Variants in ZNF516 observed in about 807,000 individuals in gnomAD.
ZNF516 encodes the protein zinc finger protein 516.
In ZNF516, 19 loss-of-function variants were observed where a neutral mutation model predicts 79.7. The ratio of observed to expected loss-of-function variants is 0.24; its 90% CI spans 0.17 to 0.35. The LOEUF (loss-of-function observed/expected upper bound fraction) is 0.35. ZNF516 is among the 10% of genes least tolerant of loss of function. The pLI, the probability that ZNF516 is intolerant of heterozygous loss-of-function variation, is 1.00. For missense variants in ZNF516, 1,678 were observed against 1,679.5 expected (o/e 1.00, Z 0.02); for synonymous variants, 877 against 739.5 (o/e 1.19, Z -3.02).
Position 76,378,934 on chromosome 18 carries a change from G to C in ZNF516, c.3180C>G (p.Ile1060Met). ...GHEKRLDILN[I>M]FKTYIPKDFA... Reference sequence around the variant, plus strand: ...AGTCCTTTGGAATGTACGTCTTAAAGATGTTGAGGATGTCCAGGCGCTTCT... The same window carrying C: ...AGTCCTTTGGAATGTACGTCTTAAACATGTTGAGGATGTCCAGGCGCTTCT... The change falls in exon 4 of 7, where the codon ATC (isoleucine) becomes ATG (methionine). Residue 1060 changes from isoleucine (I) to methionine (M), a missense_variant. By Grantham distance (10) the Ile-to-Met change is conservative. Transcript: ENST00000443185. 6.2e-7 allele frequency: 1 copy of C among 1,613,862 alleles called. No individual in the cohort carries two copies. The highest frequency in any genetic ancestry group is 8.5e-7 in the Non-Finnish European group (1 of 1,179,834).
intron 4 of ZNF516, among the ~76,000 whole-genome samples, chr18:76,374,525 C>T (rs1481443277): frequency 1.3e-5 from 2 of 152,130 alleles, no homozygotes; most frequent in Admixed American, 6.5e-5. Context: ...CATGTGGGGG[C>T]GGGGAAGTCT....
At chr18:76,440,762 G>GTGTGTGTGCGCA (rs35152639) in intron 3 of ZNF516, among the ~76,000 whole-genome samples, 1 of 120,146 alleles carries the variant, frequency 8.3e-6, no homozygotes, top group African/African-American at 4.7e-5. Flanking sequence ...GTGTGTGTGT[G>GTGTGTGTGCGCA]CGCGCACGCG....
intron 1 of ZNF516, chr18:76,491,192 G>A (rs1046154227): frequency 1.2e-6 from 1 of 843,358 alleles, no homozygotes; most frequent in African/African-American, 1.8e-5. Context: ...CCGGAGCCCG[G>A]TCCACGCCGC....
intron 1 of ZNF516, among the ~76,000 whole-genome samples, chr18:76,473,416 T>C (rs1360799399): frequency 6.8e-5 from 9 of 132,820 alleles, no homozygotes; most frequent in African/African-American, 2.5e-4. Context: ...GCTGGACACG[T>C]AGAGAAAAAT....
chr18:76,402,127 C>G (rs757776401), intron 3 of ZNF516, among the ~76,000 whole-genome samples: 2 of 152,188 alleles, frequency 1.3e-5, no homozygotes, highest in African/African-American at 4.8e-5. Flanking sequence ...CTTAGCCCCG[C>G]GCCTTCTATT....
chr18:76,364,048 C>A (rs1405415436), intron 6 of ZNF516, among the ~76,000 whole-genome samples: 1 of 152,204 alleles, frequency 6.6e-6, no homozygotes, highest in African/African-American at 2.4e-5. Flanking sequence ...TGGACTGTTC[C>A]AGAGGCAACA....
intron 1 of ZNF516, chr18:76,490,091 T>C: frequency 1.1e-6 from 1 of 891,522 alleles, no homozygotes. Flanking sequence ...GCTTGTGCCT[T>C]AACACACCAA....
In ZNF516 at chr18:76,441,510, G is replaced by A; in HGVS notation, c.1545C>T (p.Ser515=). 12 of 1,590,212 alleles carry A rather than the reference G, an allele frequency of 7.5e-6. No homozygotes were observed. The highest frequency in any genetic ancestry group is 1.1e-5 in the South Asian group (1 of 88,090). The change falls in exon 3 of 7, where the codon TCC becomes TCT. Residue 515 remains serine, a synonymous_variant. Coordinates refer to ENST00000443185, the MANE Select transcript of ZNF516 (RefSeq NM_014643.4). ...AAATTGQGKS[S]ECFECGKIFR... ...AGATCTTGCCGCACTCGAAGCACTC[G>A]GAGGACTTGCCCTGGCCGGTGGTGG... is the stretch of plus-strand genomic sequence containing the variant.
At chr18:76,423,820 G>A (rs1330586855) in intron 3 of ZNF516, among the ~76,000 whole-genome samples, 1 of 134,374 alleles carries the variant, frequency 7.4e-6, no homozygotes, top group Non-Finnish European at 1.5e-5. Context: ...AGGTGAAAAG[G>A]TTCCCCCATG....
At chr18:76,430,611 T>C (rs1417480604) in intron 3 of ZNF516, among the ~76,000 whole-genome samples, 1 of 152,242 alleles carries the variant, frequency 6.6e-6, no homozygotes, top group Non-Finnish European at 1.5e-5. Context: ...ATGTAAGTTT[T>C]CTATAGGATG....
At chr18:76,395,438 T>C (rs1188415943) in intron 3 of ZNF516, among the ~76,000 whole-genome samples, 2 of 152,184 alleles carry the variant, frequency 1.3e-5, no homozygotes, top group Non-Finnish European at 2.9e-5. Context: ...AAGACTCACA[T>C]GCAATGAGAC....
chr18:76,380,256 C>G lies in ZNF516; in HGVS notation c.1858G>C (p.Glu620Gln). The change falls in exon 4 of 7, where the codon GAG (glutamate) becomes CAG (glutamine). Residue 620 changes from glutamate to glutamine, a missense_variant. Physicochemically the swap from Glu to Gln is conservative, Grantham distance 29. Transcript: ENST00000443185. ...TGACTCTGGTCTCCACTGGAGAGCT[C>G]GGTCGAAGTCACCTCTTCGGAAAAG... ...CCFSEEVTST[E>Q]LSSGDQSHKM... The G allele has an allele frequency of 6.2e-7, 1 of 1,613,852 alleles. No homozygotes were observed. The highest frequency in any genetic ancestry group is 8.5e-7 in the Non-Finnish European group (1 of 1,179,854).
In ZNF516 at chr18:76,441,431, G is replaced by A; in HGVS notation, c.1624C>T (p.Arg542Cys). Residue 542 changes from arginine to cysteine, a missense_variant, in exon 3 of 7, where the codon CGC becomes TGC. By Grantham distance (180) the Arg-to-Cys change is radical. Transcript: ENST00000443185. ...LHSRVHRRAR[R>C]ERDSDGDRAA... ...CTGTCCCCGTCACTGTCCCTCTCGC[G>A]GCGCGCGCGGCGATGCACGCGTGAG... 1 of 1,606,752 alleles carries A rather than the reference G, an allele frequency of 6.2e-7. No homozygotes were observed. The highest frequency in any genetic ancestry group is 1.3e-5 in the African/African-American group (1 of 74,844).
intron 1 of ZNF516, among the ~76,000 whole-genome samples, chr18:76,482,283 C>T (rs1319027497): frequency 6.6e-6 from 1 of 152,172 alleles, no homozygotes; most frequent in East Asian, 1.9e-4. Context: ...CCAGCTTTTC[C>T]CTTCATCGCG....
At chr18:76,376,605 G>T (rs1024484822) in intron 4 of ZNF516, among the ~76,000 whole-genome samples, 3 of 150,642 alleles carry the variant, frequency 2.0e-5, no homozygotes, top group Non-Finnish European at 4.4e-5. Context: ...AAATACTTCA[G>T]ACTATTTTGG....
intron 3 of ZNF516, among the ~76,000 whole-genome samples, chr18:76,391,211 G>A (rs1445057244): frequency 6.6e-5 from 10 of 152,292 alleles, no homozygotes; most frequent in African/African-American, 2.4e-4. Context: ...GGGTGAGTAA[G>A]TGTGAGCGTA....
In ZNF516 at chr18:76,358,053, T is replaced by C. The variant is rs2074481070; in HGVS notation, c.*4445A>G. The C allele has an allele frequency of 6.6e-6, 1 of 152,228 alleles. No individual in the cohort carries two copies. Among genetic ancestry groups the C allele is most frequent in the South Asian group, 2.1e-4 (1 of 4,832 alleles). The allele number at this position is 152,228 out of a possible 1,614,324, so 9.4% of individuals were successfully genotyped here. A position where few individuals can be genotyped will look rare whatever the true frequency, so the allele number is the denominator to read the frequency against. On this transcript the variant is annotated 3_prime_UTR_variant, in exon 7 of 7. Transcript: ENST00000443185. ...AGATGAACGATCTTGTGAATTACCC[T>C]AAAACTCTTCCATAAATAAAGAGCA...
chr18:76,425,544 G>A (rs961584203), intron 3 of ZNF516, among the ~76,000 whole-genome samples: 3 of 152,214 alleles, frequency 2.0e-5, no homozygotes, highest in Non-Finnish European at 4.4e-5. Flanking sequence ...ACAGGCCACA[G>A]ATCACATGCC....
At chr18:76,368,031 T>C (rs2074644357) in intron 6 of ZNF516, among the ~76,000 whole-genome samples, 1 of 152,146 alleles carries the variant, frequency 6.6e-6, no homozygotes, top group South Asian at 2.1e-4. Context: ...CCGATTTAAA[T>C]ATTAATGAAT....
Sources: gnomAD v4.1 joint callset for allele counts (sites outside exome capture counted in the v4.1 genomes callset) on GRCh38, gnomAD v4.1.1 for gene constraint, MANE v1.5 for transcripts, NCBI Gene and HGNC (gene_info 2026-07-23, HGNC 2026-07-21) for gene names.